Variants in USP28 observed in about 807,000 individuals in gnomAD.
USP28 encodes ubiquitin specific peptidase 28.
In USP28, 113 loss-of-function variants were observed where a neutral mutation model predicts 145.0. The ratio of observed to expected loss-of-function variants is 0.78; its 90% CI spans 0.67 to 0.91. The LOEUF is 0.91. Ranked by LOEUF, USP28 falls within the 40% of genes least tolerant of loss-of-function variation. The pLI, the probability that USP28 is intolerant of heterozygous loss-of-function variation, is 0.00. For missense variants in USP28, 1,201 were observed against 1,289.6 expected (o/e 0.93, Z 1.05); for synonymous variants, 447 against 450.9 (o/e 0.99, Z 0.11).
At chr11:113,810,917 C>T (rs759379559) in intron 16 of USP28, among the ~76,000 whole-genome samples, 2 of 152,168 alleles carry the variant, frequency 1.3e-5, no homozygotes, top group Non-Finnish European at 2.9e-5. Context: ...TCAAGTGATC[C>T]GCCCGCCTTG....
intron 9 of USP28, 37 bp from the exon 10 acceptor site, chr11:113,829,382 C>T (rs755578930): frequency 5.7e-5 from 92 of 1,608,868 alleles, no homozygotes; most frequent in Non-Finnish European, 7.6e-5. Context: ...AAAGACATCA[C>T]TATGACTATC....
At chr11:113,841,729 T>G in exon 4 of USP28, 1 of 1,613,558 alleles carries the variant, frequency 6.2e-7, no homozygotes, top group Non-Finnish European at 8.5e-7. Context: ...AATGGCAGCC[T>G]GAAGATCATC....
At chr11:113,814,887 A>T (rs1048773584) in intron 14 of USP28, among the ~76,000 whole-genome samples, 3 of 59,766 alleles carry the variant, frequency 5.0e-5, no homozygotes, top group African/African-American at 8.0e-5. Flanking sequence ...CATCTCTACT[A>T]AAAAAAAAAA....
chr11:113,868,162 G>A (rs1183737203), intron 1 of USP28, among the ~76,000 whole-genome samples: 1 of 152,124 alleles, frequency 6.6e-6, no homozygotes. Context: ...CAAAAGCTTT[G>A]ACAGCCCTGT....
At chr11:113,816,239 G>A (rs931778495) in intron 13 of USP28, among the ~76,000 whole-genome samples, 5 of 151,972 alleles carry the variant, frequency 3.3e-5, no homozygotes, top group African/African-American at 4.8e-5. Flanking sequence ...CACTCCTGCC[G>A]GGTACGGTGG....
intron 3 of USP28, among the ~76,000 whole-genome samples, chr11:113,852,023 A>G (rs573854590): frequency 3.9e-5 from 6 of 152,264 alleles, no homozygotes; most frequent in Non-Finnish European, 5.9e-5. Flanking sequence ...AAATGAACAA[A>G]TGAAACTTTT....
At chr11:113,820,467 G>C (rs1229867222) in intron 12 of USP28, 1 of 152,170 alleles carries the variant, frequency 6.6e-6, no homozygotes, top group Non-Finnish European at 1.5e-5. Flanking sequence ...TCAAGAAGAA[G>C]AGGCACAAAA....
intron 18 of USP28, chr11:113,808,132 T>C: frequency 2.6e-6 from 4 of 1,513,142 alleles, no homozygotes; most frequent in Non-Finnish European, 3.5e-6. Flanking sequence ...TTCAGCTTCT[T>C]TAAGCTGTGG....
At chr11:113,861,649 G>A (rs1204453739) in intron 1 of USP28, among the ~76,000 whole-genome samples, 2 of 152,218 alleles carry the variant, frequency 1.3e-5, no homozygotes, top group Admixed American at 6.5e-5. Context: ...CCTTCTTCCC[G>A]ACCTAGTTCT....
chr11:113,859,885 G>A (rs1033404867), intron 1 of USP28, among the ~76,000 whole-genome samples: 33 of 152,156 alleles, frequency 2.2e-4, no homozygotes, highest in African/African-American at 8.0e-4. Context: ...TTCTTGCCCA[G>A]AGGCAGTAAA....
chr11:113,825,632 T>C (rs1181079711), intron 11 of USP28, among the ~76,000 whole-genome samples: 2 of 152,132 alleles, frequency 1.3e-5, no homozygotes, highest in African/African-American at 4.8e-5. Context: ...GCAGTACATA[T>C]TACAATAGAA....
At chr11:113,799,578 C>A (rs1591447149) in intron 24 of USP28, among the ~76,000 whole-genome samples, 163 bp from the exon 26 acceptor site, 1 of 152,152 alleles carries the variant, frequency 6.6e-6, no homozygotes, top group Non-Finnish European at 1.5e-5. Context: ...GGAGCAAAGG[C>A]AAATAAACCA....
chr11:113,803,912 C>A lies in USP28; in HGVS notation c.2659-35G>T, dbSNP rs373736704. On this transcript the variant is annotated intron_variant, in intron 21 of 24. Transcript: ENST00000003302. ...AATGACGATTATTAATAATCATGAT[C>A]ATAATAGATTGTTAGTGTCCTTCCC... 3 of 1,569,242 alleles carry A rather than the reference C, an allele frequency of 1.9e-6. No homozygotes were observed. The African/African-American group carries it at 4.1e-5, about 22-fold the overall frequency.
At chr11:113,865,060 G>T (rs946319637) in intron 1 of USP28, among the ~76,000 whole-genome samples, 1 of 152,080 alleles carries the variant, frequency 6.6e-6, no homozygotes, top group Non-Finnish European at 1.5e-5. Context: ...GGCTGGTCTT[G>T]AACTCCTGAG....
intron 5 of USP28, among the ~76,000 whole-genome samples, chr11:113,835,968 C>G (rs993396223): frequency 3.9e-5 from 6 of 152,112 alleles, no homozygotes; most frequent in Non-Finnish European, 8.8e-5. Flanking sequence ...GTCCCAGCTG[C>G]TCGGGAGGCT....
At chr11:113,865,261 C>G (rs2136982070) in intron 1 of USP28, among the ~76,000 whole-genome samples, 1 of 152,272 alleles carries the variant, frequency 6.6e-6, no homozygotes, top group African/African-American at 2.4e-5. Flanking sequence ...GCGGGGAACT[C>G]TAGTGAAAAC....
chr11:113,848,635 T>C (rs1279893671), intron 3 of USP28, among the ~76,000 whole-genome samples: 2 of 152,242 alleles, frequency 1.3e-5, no homozygotes, highest in Non-Finnish European at 2.9e-5. Context: ...CGAGTTGTTA[T>C]ATCTGAAGCT....
intron 24 of USP28, among the ~76,000 whole-genome samples, chr11:113,800,434 C>G (rs1433449803): frequency 6.6e-6 from 1 of 152,076 alleles, no homozygotes; most frequent in East Asian, 1.9e-4. Flanking sequence ...TCCTGAGTAG[C>G]TAGAACTACA....
chr11:113,839,972 C>T (rs1945013477), intron 5 of USP28, among the ~76,000 whole-genome samples: 1 of 152,112 alleles, frequency 6.6e-6, no homozygotes, highest in Non-Finnish European at 1.5e-5. Flanking sequence ...GCTGAGATCG[C>T]ACCACTGTTG....
Sources: gnomAD v4.1 joint callset for allele counts (sites outside exome capture counted in the v4.1 genomes callset) on GRCh38, gnomAD v4.1.1 for gene constraint, MANE v1.5 for transcripts, NCBI Gene and HGNC (gene_info 2026-07-23, HGNC 2026-07-21) for gene names.